NXF1: variants seen among roughly 807,000 people sequenced by gnomAD.
The protein encoded by NXF1 is nuclear RNA export factor 1.
A neutral mutation model predicts 92.4 loss-of-function variants in NXF1; 43 were observed. That is an observed-to-expected ratio of 0.47 (90% CI 0.36 to 0.60). The LOEUF (loss-of-function observed/expected upper bound fraction) is 0.60, where lower values mean the gene tolerates loss of function less well. Among genes scored for constraint, NXF1 ranks in the 20% least tolerant of loss-of-function variants. NXF1 has a pLI of 0.00. For missense variants in NXF1, 576 were observed against 793.0 expected, an observed-to-expected ratio of 0.73 and a Z score of 3.29; for synonymous variants, 288 against 292.2, an observed-to-expected ratio of 0.99 and a Z score of 0.15.
At chr11:62,796,784 A>C (rs1342711911) in intron 13 of NXF1, among the ~76,000 whole-genome samples, 3 of 152,022 alleles carry the variant, frequency 2.0e-5, no homozygotes, top group African/African-American at 7.2e-5. Context: ...ATACAAAAAA[A>C]ATGGCTAGGT....
rs2084473788 is a variant in NXF1, at chr11:62,801,109, G to A, written c.891C>T (p.Asn297=). Residue 297 remains asparagine (N), a synonymous_variant, in exon 9 of 21, where the codon AAC becomes AAT. Coordinates refer to ENST00000294172, the MANE Select transcript of NXF1 (RefSeq NM_006362.5). The stretch of plus-strand genomic sequence containing the variant: ...CAATTCTCACTTCATTTCCAGAAAG[G>A]TTTAGGATCTTCAGGTTGGGTGCCT... ...VQKAPNLKIL[N]LSGNELKSER... The A allele has an allele frequency of 1.2e-6, 2 of 1,613,690 alleles. No individual in the cohort carries two copies. The highest frequency in any genetic ancestry group is 2.7e-5 in the African/African-American group (2 of 75,044).
At chr11:62,800,300 G>C in intron 10 of NXF1, 77 bp downstream of exon 10, 3 of 1,605,540 alleles carry the variant, frequency 1.9e-6, no homozygotes, top group Non-Finnish European at 2.6e-6. Flanking sequence ...CCGCAGACGG[G>C]CCCTGGTCAG....
intron 1 of NXF1, 199 bp downstream of exon 1, chr11:62,805,130 G>T: frequency 2.4e-6 from 1 of 418,246 alleles, no homozygotes; most frequent in Non-Finnish European, 4.2e-6. Context: ...CGAGCCGCAG[G>T]TCCCCCAACA....
At position 62,796,151 on chromosome 11, in the gene NXF1, C is replaced by T; in HGVS notation, c.1376G>A (p.Arg459His). 1.9e-6 allele frequency: 3 copies of T among 1,614,116 alleles called. No homozygotes were observed. The highest frequency in any genetic ancestry group is 1.1e-5 in the South Asian group (1 of 91,082). The stretch of plus-strand genomic sequence containing the variant: ...ATTGAGGAAGGCAACAACGTTGAGA[C>T]GCGTGTGCTTCAGCAGCCGGAACCG... ...TLRFRLLKHTRLNVVAFLNEL... is the reference protein window; with the variant it reads ...TLRFRLLKHTHLNVVAFLNEL... Residue 459 changes from arginine (R) to histidine (H), a missense_variant, in exon 16 of 21, where the codon CGT becomes CAT. Coordinates refer to ENST00000294172, the MANE Select transcript of NXF1 (RefSeq NM_006362.5).
At chr11:62,799,998 A>G (rs890592929) in intron 10 of NXF1, 8 of 1,012,592 alleles carry the variant, frequency 7.9e-6, no homozygotes, top group African/African-American at 1.7e-5. Context: ...TCCTCAACCC[A>G]TGGACACCAG....
chr11:62,798,782 T>C, intron 10 of NXF1: 1 of 1,381,248 alleles, frequency 7.2e-7, no homozygotes, highest in Non-Finnish European at 9.3e-7. Context: ...GAAGGCTGTC[T>C]CTTTTCTCTC....
At chr11:62,804,012 A>G (rs754888671) in intron 1 of NXF1, 34 bp from the exon 2 acceptor site, 10 of 1,606,430 alleles carry the variant, frequency 6.2e-6, no homozygotes, top group African/African-American at 2.7e-5. Context: ...AATTAGAAGT[A>G]AGTAACTGGT....
At chr11:62,803,326 T>A (rs2084500485) in intron 3 of NXF1, 93 bp downstream of exon 3, 3 of 1,091,856 alleles carry the variant, frequency 2.7e-6, no homozygotes, top group Non-Finnish European at 2.6e-6. Context: ...AAAAAAATAA[T>A]AATAATAATT....
intron 19 of NXF1, 26 bp from the exon 20 acceptor site, chr11:62,792,727 G>A: frequency 6.2e-7 from 1 of 1,612,786 alleles, no homozygotes; most frequent in Non-Finnish European, 8.5e-7. Flanking sequence ...AGGCAGCTCT[G>A]TAAGAACTCT....
At chr11:62,803,239 C>T (rs1266371146) in intron 3 of NXF1, among the ~76,000 whole-genome samples, 180 bp downstream of exon 3, 2 of 152,058 alleles carry the variant, frequency 1.3e-5, no homozygotes, top group African/African-American at 4.8e-5. Flanking sequence ...TAGCTTGAAC[C>T]CGGGAGGCGG....
Position 62,797,110 on chromosome 11 carries a change from T to C in NXF1, c.1178+73A>G, listed in dbSNP as rs185516228. 36 of 1,266,014 alleles carry C rather than the reference T, an allele frequency of 2.8e-5. No individual in the cohort carries two copies. The African/African-American group carries it at 5.5e-4, about 19-fold the overall frequency. 78.4% of individuals were successfully genotyped at this position (1,266,014 alleles called of 1,614,324 possible). On this transcript the variant is annotated intron_variant, in intron 13 of 20. Transcript: ENST00000294172. The stretch of plus-strand genomic sequence containing the variant: ...AAAACAAAAAACAAAACAAAAAGAT[T>C]GATGTGTGCCTGGGTCTGCCCACCA...
At chr11:62,800,605 C>CTT (rs569196618) in intron 9 of NXF1, 119 bp from the exon 10 acceptor site, 889 of 480,996 alleles carry the variant, frequency 1.8e-3, no homozygotes, top group Middle Eastern at 2.3e-3. Flanking sequence ...AAAATTTTTT[C>CTT]TTTTTTTTTT....
At position 62,801,213 on chromosome 11, in the gene NXF1, G is replaced by C; in HGVS notation, c.799-12C>G. 1.9e-6 allele frequency: 3 copies of C among 1,612,830 alleles called. No individual in the cohort carries two copies. The highest frequency in any genetic ancestry group is 1.7e-6 in the Non-Finnish European group (2 of 1,178,828). ...TTCAAGGACAATAGCTGTGAGGAGA[G>C]AAGAGTTTAGAGGAGGCACCACCAG... On this transcript the variant is annotated splice_polypyrimidine_tract_variant and intron_variant, in intron 8 of 20. Coordinates refer to ENST00000294172, the MANE Select transcript of NXF1 (RefSeq NM_006362.5).
At position 62,803,993 on chromosome 11, in the gene NXF1, AG is replaced by A. The variant is rs1479355115; in HGVS notation, c.29-16del. ...ATCATCGTGTTCTAGAGTTAGAAAC[AG>A]GAACACAAATTAGAAGTAAGTAACT... On this transcript the variant is annotated splice_polypyrimidine_tract_variant and intron_variant, in intron 1 of 20. Transcript: ENST00000294172. 1.9e-6 allele frequency: 3 copies of A among 1,610,564 alleles called. No homozygotes were observed. In the African/African-American group the frequency reaches 4.0e-5, roughly 22 times the overall value.
chr11:62,794,866 A>G, intron 18 of NXF1, 69 bp downstream of exon 18: 2 of 1,418,924 alleles, frequency 1.4e-6, no homozygotes, highest in Non-Finnish European at 2.0e-6. Context: ...GACTGACTCT[A>G]CCCTCCAATT....
At chr11:62,803,364 C>A in intron 3 of NXF1, 55 bp downstream of exon 3, 2 of 1,408,890 alleles carry the variant, frequency 1.4e-6, no homozygotes, top group South Asian at 2.5e-5. Flanking sequence ...AACATCTCCA[C>A]TCTCAGCGTG....
At chr11:62,805,082 A>G in intron 1 of NXF1, 1 of 371,094 alleles carries the variant, frequency 2.7e-6, no homozygotes, top group Non-Finnish European at 4.8e-6. Context: ...CACAAAGTTC[A>G]AAGGAATCCC....
At position 62,801,179 on chromosome 11, in the gene NXF1, T is replaced by C. The variant is rs1396371589; in HGVS notation, c.821A>G (p.Asn274Ser). The part of the protein sequence containing the change: ...IPELLSLNLS[N>S]NRLYRLDDMS... Reference sequence around the variant, plus strand: ...GTCATCCAGCCTGTACAGCCTGTTGTTGCTCAAGTTCAAGGACAATAGCTG... The same window carrying C: ...GTCATCCAGCCTGTACAGCCTGTTGCTGCTCAAGTTCAAGGACAATAGCTG... The change falls in exon 9 of 21, where the codon AAC (asparagine) becomes AGC (serine). Residue 274 changes from asparagine (N) to serine (S), a missense_variant. Physicochemically the swap from Asn to Ser is conservative, Grantham distance 46. This residue lies in a region of NXF1 where 425 missense variants were observed against 635.2 expected (regional missense o/e 0.67). Transcript: ENST00000294172. The C allele has an allele frequency of 6.2e-7, 1 of 1,614,106 alleles. No homozygotes were observed. Among genetic ancestry groups the C allele is most frequent in the East Asian group, 2.2e-5 (1 of 44,898 alleles).
At chr11:62,801,908 C>G (rs1187788031) in intron 5 of NXF1, 34 bp downstream of exon 5, 1 of 1,608,734 alleles carries the variant, frequency 6.2e-7, no homozygotes, top group Non-Finnish European at 8.5e-7. Flanking sequence ...GCACCAACCT[C>G]CACCTCCAGC....
Sources: gnomAD v4.1 joint callset for allele counts (sites outside exome capture counted in the v4.1 genomes callset) on GRCh38, gnomAD v4.1.1 for gene constraint, gnomAD v4.1.1 regional missense constraint, MANE v1.5 for transcripts, NCBI Gene and HGNC (gene_info 2026-07-23, HGNC 2026-07-21) for gene names.